The following TIPRL variants were observed in gnomAD, a reference collection of about 807,000 sequenced individuals.
The protein encoded by TIPRL is TIP41-like protein.
TIPRL carries 10 observed loss-of-function variants against 32.3 expected under a neutral mutation model. That is an observed-to-expected ratio of 0.31 (90% CI 0.19 to 0.52). The LOEUF (loss-of-function observed/expected upper bound fraction) is 0.52. Ranked by LOEUF, TIPRL falls within the 20% of genes least tolerant of loss-of-function variation. TIPRL has a pLI of 0.96. For synonymous variants in TIPRL, 100 were observed against 114.0 expected (o/e 0.88, Z 0.78); for missense variants, 250 against 328.1 (o/e 0.76, Z 1.84).
rs1449514725 is a variant in TIPRL at position 168,200,124 on chromosome 1, G to T, written c.*78G>T. The T allele has an allele frequency of 4.1e-6, 6 of 1,453,960 alleles. No homozygotes were observed. The African/African-American group carries it at 8.6e-5, about 21-fold the overall frequency. 90.1% of individuals were successfully genotyped at this position (1,453,960 alleles called of 1,614,324 possible). A position where few individuals can be genotyped will look rare whatever the true frequency, so the allele number is the denominator to read the frequency against. ...TTGTAAGGGGTTATTTTTATTATGA[G>T]AATTAATTGCCTTGTTTATGTACAG... On this transcript the variant is annotated 3_prime_UTR_variant, in exon 7 of 7. Transcript: ENST00000367833.
chr1:168,194,349 T>A (rs183270246), intron 4 of TIPRL, among the ~76,000 whole-genome samples: 1 of 152,298 alleles, frequency 6.6e-6, no homozygotes, highest in East Asian at 1.9e-4. Flanking sequence ...CAAGAAAAAG[T>A]ACTCTCACAA....
chr1:168,193,341 T>G lies in TIPRL; in HGVS notation c.516+1841T>G, dbSNP rs552696760. Reference sequence around the variant, plus strand: ...GGCCTAAAAAGATAGCTTAAGGTCATGAAACTAATTGCAAAGTTTTCTTTG... The same window carrying G: ...GGCCTAAAAAGATAGCTTAAGGTCAGGAAACTAATTGCAAAGTTTTCTTTG... On this transcript the variant is annotated intron_variant, in intron 4 of 6. Coordinates refer to ENST00000367833, the MANE Select transcript of TIPRL (RefSeq NM_152902.5). Among the ~76,000 whole-genome samples, 230 of 152,346 alleles carry G rather than the reference T, an allele frequency of 1.5e-3. 3 individuals are homozygous for G. Among genetic ancestry groups the G allele is most frequent in the African/African-American group, 5.2e-3 (216 of 41,592 alleles).
Position 168,200,083 on chromosome 1 carries a change from T to C in TIPRL, c.*37T>C. On this transcript the variant is annotated 3_prime_UTR_variant, in exon 7 of 7. Transcript: ENST00000367833. ...ACATATACTCACTATGGAATCTGACTGGACACCTTGGCTATTTGTAAGGGG... is the reference window on the plus strand; with the variant it reads ...ACATATACTCACTATGGAATCTGACCGGACACCTTGGCTATTTGTAAGGGG... 6.3e-7 allele frequency: 1 copy of C among 1,598,354 alleles called. No homozygotes were observed. Among genetic ancestry groups the C allele is most frequent in the African/African-American group, 1.3e-5 (1 of 74,424 alleles).
intron 3 of TIPRL, among the ~76,000 whole-genome samples, chr1:168,189,086 C>T (rs1484389806): frequency 1.3e-5 from 2 of 152,160 alleles, no homozygotes; most frequent in African/African-American, 4.8e-5. Flanking sequence ...TTAGTGAGCA[C>T]TGAGCAGTGA....
At chr1:168,196,863 A>G (rs986534218) in intron 5 of TIPRL, among the ~76,000 whole-genome samples, 1 of 152,182 alleles carries the variant, frequency 6.6e-6, no homozygotes, top group African/African-American at 2.4e-5. Context: ...TTTCTAAAAG[A>G]CACTCCCTAA....
intron 4 of TIPRL, among the ~76,000 whole-genome samples, chr1:168,195,380 C>G (rs1432129414): frequency 6.6e-6 from 1 of 152,194 alleles, no homozygotes; most frequent in Non-Finnish European, 1.5e-5. Flanking sequence ...ACTTCTTTCT[C>G]AAATGCTTAT....
Position 168,197,505 on chromosome 1 carries a change from A to G in TIPRL, c.612+863A>G, listed in dbSNP as rs566141735. Among the ~76,000 whole-genome samples, 26 of 152,170 alleles carry G rather than the reference A, an allele frequency of 1.7e-4. 1 individual carries two copies. The South Asian group carries it at 5.2e-3, about 30-fold the overall frequency. ...ATATTTTTGTTCCCCAGAAAGAGAAATCTAAATTTTATTTTTATTTATTTA... is the reference window on the plus strand; with the variant it reads ...ATATTTTTGTTCCCCAGAAAGAGAAGTCTAAATTTTATTTTTATTTATTTA... On this transcript the variant is annotated intron_variant, in intron 5 of 6. Coordinates refer to ENST00000367833, the MANE Select transcript of TIPRL (RefSeq NM_152902.5).
intron 1 of TIPRL, among the ~76,000 whole-genome samples, chr1:168,182,920 AAAG>A (rs954048015): frequency 6.6e-6 from 1 of 152,234 alleles, no homozygotes; most frequent in Non-Finnish European, 1.5e-5. Context: ...TCCTAATAAC[AAAG>A]AATAAATTTT....
intron 3 of TIPRL, among the ~76,000 whole-genome samples, chr1:168,185,946 A>G (rs10918839): frequency 0.45 from 67,588 of 149,596 alleles, 18,358 homozygotes; most frequent in African/African-American, 0.75. Flanking sequence ...ATGGTGGAGC[A>G]TGCCTGTAGT....
rs1700213765 is a variant in TIPRL at position 168,202,046 on chromosome 1, TTTTGTATTTA to T, written c.*2006_*2015del. 6.6e-6 allele frequency: 1 copy of T among 152,108 alleles called. No homozygotes were observed. Among genetic ancestry groups the T allele is most frequent in the South Asian group, 2.1e-4 (1 of 4,830 alleles). 9.4% of individuals were successfully genotyped at this position (152,108 alleles called of 1,614,324 possible). A position where few individuals can be genotyped will look rare whatever the true frequency, so the allele number is the denominator to read the frequency against. ...CCATTGCTAAATATGATATATGCCA[TTTTGTATTTA>T]TTTGTCCCAAGTGTCTTTTTGTAAG... On this transcript the variant is annotated 3_prime_UTR_variant, in exon 7 of 7. Coordinates refer to ENST00000367833, the MANE Select transcript of TIPRL (RefSeq NM_152902.5).
At chr1:168,183,881 C>T in intron 1 of TIPRL, 21 bp from the exon 2 acceptor site, 4 of 1,593,012 alleles carry the variant, frequency 2.5e-6, no homozygotes, top group Non-Finnish European at 3.4e-6. Flanking sequence ...ATTATCTCAC[C>T]CGACTTTTGG....
Position 168,179,108 on chromosome 1 carries a change from C to A in TIPRL, c.31C>A (p.Arg11=). 1 of 1,613,990 alleles carries A rather than the reference C, an allele frequency of 6.2e-7. No individual in the cohort carries two copies. Among genetic ancestry groups the A allele is most frequent in the Non-Finnish European group, 8.5e-7 (1 of 1,179,920 alleles). The part of the protein sequence containing the change: MMIHGFQSSH[R]DFCFGPWKLT... ...GATCCACGGCTTCCAGAGCAGCCAC[C>A]GGGATTTCTGCTTCGGGCCCTGGAA... Residue 11 remains arginine (R), a synonymous_variant, in exon 1 of 7, where the codon CGG becomes AGG. Coordinates refer to ENST00000367833, the MANE Select transcript of TIPRL (RefSeq NM_152902.5).
chr1:168,189,385 G>A (rs1350202536), intron 3 of TIPRL, among the ~76,000 whole-genome samples: 4 of 151,980 alleles, frequency 2.6e-5, no homozygotes, highest in South Asian at 4.2e-4. Flanking sequence ...CATTCTTGTC[G>A]CCCAGGCTGG....
At chr1:168,195,588 A>G (rs939886307) in intron 4 of TIPRL, among the ~76,000 whole-genome samples, 1 of 152,142 alleles carries the variant, frequency 6.6e-6, no homozygotes, top group African/African-American at 2.4e-5. Context: ...TAATTAATTA[A>G]TTTTGGGACA....
chr1:168,191,822 G>C (rs1268370746), intron 4 of TIPRL, among the ~76,000 whole-genome samples: 1 of 140,226 alleles, frequency 7.1e-6, no homozygotes, highest in African/African-American at 2.7e-5. Flanking sequence ...CAGTGAGCCA[G>C]GATCACGCCA....
chr1:168,190,583 C>T (rs1700084532), intron 3 of TIPRL, among the ~76,000 whole-genome samples: 1 of 149,890 alleles, frequency 6.7e-6, no homozygotes, highest in South Asian at 2.1e-4. Flanking sequence ...GTTTGACAAG[C>T]ATTGTTGTGT....
At chr1:168,193,334 A>G (rs1204450496) in intron 4 of TIPRL, among the ~76,000 whole-genome samples, 1 of 152,212 alleles carries the variant, frequency 6.6e-6, no homozygotes, top group African/African-American at 2.4e-5. Flanking sequence ...AAGATAGCTT[A>G]AGGTCATGAA....
At position 168,179,167 on chromosome 1, in the gene TIPRL, G is replaced by C; in HGVS notation, c.90G>C (p.Ser30=). ...LTASKTHIMK[S]ADVEKLADEL... ...CGTCCAAGACCCACATCATGAAGTC[G>C]GCGGATGTGGAGAAGTGAGGCTTCG... Residue 30 remains serine, a synonymous_variant, in exon 1 of 7, where the codon TCG becomes TCC. Transcript: ENST00000367833. The C allele has an allele frequency of 1.2e-6, 2 of 1,614,038 alleles. No homozygotes were observed. Among genetic ancestry groups the C allele is most frequent in the East Asian group, 2.2e-5 (1 of 44,882 alleles).
At chr1:168,179,222 C>G in intron 1 of TIPRL, 41 bp downstream of exon 1, 1 of 1,591,600 alleles carries the variant, frequency 6.3e-7, no homozygotes, top group Non-Finnish European at 8.6e-7. Flanking sequence ...TGGCCGGTTG[C>G]TGGCCCAGGG....
Sources: allele counts gnomAD v4.1 joint callset (sites outside exome capture counted in the v4.1 genomes callset), GRCh38; gene constraint gnomAD v4.1.1; transcripts MANE v1.5; gene names NCBI Gene and HGNC (gene_info 2026-07-23, HGNC 2026-07-21).